Variants in FAM91A1 observed in about 807,000 individuals in gnomAD.
FAM91A1 encodes protein FAM91A1.
A neutral mutation model predicts 113.5 loss-of-function variants in FAM91A1; 41 were observed. That is an observed-to-expected ratio of 0.36 (90% confidence interval 0.28 to 0.47). The LOEUF (loss-of-function observed/expected upper bound fraction) is 0.47, where lower values mean the gene tolerates loss of function less well. FAM91A1 is among the 20% of genes least tolerant of loss of function. The pLI, the probability that FAM91A1 is intolerant of heterozygous loss-of-function variation, is 1.00. For missense variants in FAM91A1, 696 were observed against 1,001.2 expected, an observed-to-expected ratio of 0.70 and a Z score of 4.11; for synonymous variants, 307 against 347.9, an observed-to-expected ratio of 0.88 and a Z score of 1.31.
intron 9 of FAM91A1, chr8:123,784,859 A>G: frequency 2.4e-6 from 1 of 420,678 alleles, no homozygotes; most frequent in South Asian, 5.3e-5. Flanking sequence ...AGACGAAATT[A>G]AAGAGTAAGG....
chr8:123,794,469 T>A (rs1815459979), intron 15 of FAM91A1, among the ~76,000 whole-genome samples: 1 of 152,202 alleles, frequency 6.6e-6, no homozygotes, highest in Admixed American at 6.5e-5. Context: ...AATGGAAAGA[T>A]ATAGTATTAA....
intron 6 of FAM91A1, 36 bp downstream of exon 6, chr8:123,778,808 T>C (rs1815050300): frequency 2.3e-6 from 3 of 1,313,936 alleles, no homozygotes; most frequent in East Asian, 2.9e-5. Flanking sequence ...AGAATTTTTA[T>C]TTTTTAGTTT....
In FAM91A1 at chr8:123,776,847, C is replaced by T. The variant is rs183308489; in HGVS notation, c.310-418C>T. ...TTGGGACTTGTGGGATCAAAGGCCACTAAGTGGTTGTAGTCTTCATTGGTA... is the reference window on the plus strand; with the variant it reads ...TTGGGACTTGTGGGATCAAAGGCCATTAAGTGGTTGTAGTCTTCATTGGTA... On this transcript the variant is annotated intron_variant, in intron 3 of 23. Transcript: ENST00000334705. Among the ~76,000 whole-genome samples, 3 of 152,302 alleles carry T rather than the reference C, an allele frequency of 2.0e-5. No individual in the cohort carries two copies. The East Asian group carries it at 5.8e-4, about 29-fold the overall frequency.
Position 123,794,735 on chromosome 8 carries a change from A to G in FAM91A1, c.1412-3355A>G, listed in dbSNP as rs75541567. Among the ~76,000 whole-genome samples, 20 of 152,324 alleles carry G rather than the reference A, an allele frequency of 1.3e-4. No homozygotes were observed. The East Asian group carries it at 3.9e-3, about 29-fold the overall frequency. ...TGCAGTACCATAAACCTCAAATAAC[A>G]CTAGGGGAGCCATACAGAGAGCCAC... is the stretch of plus-strand genomic sequence containing the variant. On this transcript the variant is annotated intron_variant, in intron 15 of 23. Coordinates refer to ENST00000334705, the MANE Select transcript of FAM91A1 (RefSeq NM_144963.4).
chr8:123,771,077 CT>C (rs1355438444), intron 1 of FAM91A1, among the ~76,000 whole-genome samples: 3 of 152,206 alleles, frequency 2.0e-5, no homozygotes, highest in Non-Finnish European at 4.4e-5. Flanking sequence ...CTTTATATTG[CT>C]TGTATTAATA....
At chr8:123,776,011 C>T (rs144742350) in intron 3 of FAM91A1, among the ~76,000 whole-genome samples, 49 of 152,180 alleles carry the variant, frequency 3.2e-4, no homozygotes, top group African/African-American at 1.1e-3. Context: ...TAACTATTCA[C>T]TAACTGTCTA....
At chr8:123,786,974 G>A (rs914783823) in intron 12 of FAM91A1, among the ~76,000 whole-genome samples, 1 of 152,156 alleles carries the variant, frequency 6.6e-6, no homozygotes, top group Non-Finnish European at 1.5e-5. Flanking sequence ...ATGAAGAAGA[G>A]CCTGCCAGCT....
At chr8:123,768,825 G>A (rs1586362823) in intron 1 of FAM91A1, 51 bp downstream of exon 1, 1 of 1,572,660 alleles carries the variant, frequency 6.4e-7, no homozygotes, top group South Asian at 1.1e-5. Context: ...CCCGCCCAGC[G>A]GTCACCTGCT....
rs1586362203 is a variant in FAM91A1, at chr8:123,768,452, G to A, written c.-251G>A. On this transcript the variant is annotated 5_prime_UTR_variant, in exon 1 of 24. Coordinates refer to ENST00000334705, the MANE Select transcript of FAM91A1 (RefSeq NM_144963.4). ...TGACGTGTGCCCAGAGCCATTTCCGGCGGCCCGAAACTAGGAAGAAACTTG... is the reference window on the plus strand; with the variant it reads ...TGACGTGTGCCCAGAGCCATTTCCGACGGCCCGAAACTAGGAAGAAACTTG... 2 of 422,832 alleles carry A rather than the reference G, an allele frequency of 4.7e-6. No homozygotes were observed. Among genetic ancestry groups the A allele is most frequent in the Middle Eastern group, 1.2e-3 (2 of 1,616 alleles). The allele number at this position is 422,832 out of a possible 1,614,324, so 26.2% of individuals were successfully genotyped here.
intron 15 of FAM91A1, among the ~76,000 whole-genome samples, chr8:123,796,118 G>A (rs1287344374): frequency 6.6e-6 from 1 of 152,186 alleles, no homozygotes; most frequent in East Asian, 1.9e-4. Context: ...AGGCATTGAA[G>A]TGATCTACTT....
At chr8:123,807,472 T>C (rs1408020396) in intron 20 of FAM91A1, among the ~76,000 whole-genome samples, 5 of 120,788 alleles carry the variant, frequency 4.1e-5, no homozygotes, top group Non-Finnish European at 8.1e-5. Context: ...AGCAAGACCC[T>C]GTCTCTACAA....
At chr8:123,812,398 T>G in intron 23 of FAM91A1, 121 bp from the exon 24 acceptor site, 5 of 610,694 alleles carry the variant, frequency 8.2e-6, no homozygotes, top group South Asian at 4.3e-5. Flanking sequence ...TTGCATCTCC[T>G]GTACTGCTTT....
chr8:123,769,426 G>A (rs1814786479), intron 1 of FAM91A1, among the ~76,000 whole-genome samples: 1 of 152,222 alleles, frequency 6.6e-6, no homozygotes, highest in African/African-American at 2.4e-5. Context: ...GGGGCTGGTA[G>A]CAGATGAGCC....
intron 23 of FAM91A1, 64 bp downstream of exon 23, chr8:123,810,415 G>A: frequency 7.0e-7 from 1 of 1,429,310 alleles, no homozygotes; most frequent in Non-Finnish European, 9.8e-7. Flanking sequence ...CAACACTTCT[G>A]TGTTTGTTTT....
chr8:123,795,662 C>T lies in FAM91A1; in HGVS notation c.1412-2428C>T, dbSNP rs111635266. Among the ~76,000 whole-genome samples the T allele has an allele frequency of 4.0e-3, 609 of 152,188 alleles. 5 individuals are homozygous for T. Among genetic ancestry groups the T allele is most frequent in the African/African-American group, 0.014 (582 of 41,526 alleles). On this transcript the variant is annotated intron_variant, in intron 15 of 23. Transcript: ENST00000334705. ...GTATTTCTTTATAGCAATGCAAGAA[C>T]GGAGTGATACAGATACCATTAAGAA... is the stretch of plus-strand genomic sequence containing the variant.
rs769185020 is a variant in FAM91A1, at chr8:123,780,080, G to A, written c.640+5G>A. 6.2e-7 allele frequency: 1 copy of A among 1,602,304 alleles called. No homozygotes were observed. Among genetic ancestry groups the A allele is most frequent in the Non-Finnish European group, 8.5e-7 (1 of 1,173,108 alleles). ...TAGATTACAATGTAGTACATAGTAA[G>A]TGGTTAGTAGAAATGGTCTTTTGTC... On this transcript the variant is annotated splice_donor_5th_base_variant and intron_variant, in intron 7 of 23. Coordinates refer to ENST00000334705, the MANE Select transcript of FAM91A1 (RefSeq NM_144963.4).
At chr8:123,796,830 G>A (rs1411762766) in intron 15 of FAM91A1, among the ~76,000 whole-genome samples, 2 of 151,214 alleles carry the variant, frequency 1.3e-5, no homozygotes, top group Middle Eastern at 3.4e-3. Context: ...TTGGGAGGCC[G>A]AGGTGGGCAG....
chr8:123,795,400 C>T lies in FAM91A1; in HGVS notation c.1412-2690C>T, dbSNP rs571399263. On this transcript the variant is annotated intron_variant, in intron 15 of 23. Transcript: ENST00000334705. ...CCACCCCCCGCCCCCCTGCCCTTTA[C>T]AGCTGTCATCATGATCGTGAGTTCT... Among the ~76,000 whole-genome samples the T allele has an allele frequency of 2.1e-5, 3 of 145,506 alleles. No individual in the cohort carries two copies. In the South Asian group the frequency reaches 6.8e-4, roughly 33 times the overall value.
chr8:123,808,076 T>G (rs764800906), intron 20 of FAM91A1, among the ~76,000 whole-genome samples, 196 bp from the exon 21 acceptor site: 2 of 152,210 alleles, frequency 1.3e-5, no homozygotes, highest in Non-Finnish European at 2.9e-5. Context: ...ACGAATAGCA[T>G]CCCTGTCTTC....
Sources: allele counts gnomAD v4.1 joint callset (sites outside exome capture counted in the v4.1 genomes callset), GRCh38; gene constraint gnomAD v4.1.1; transcripts MANE v1.5; gene names NCBI Gene and HGNC (gene_info 2026-07-23, HGNC 2026-07-21).